WNT4: variants seen among roughly 807,000 people sequenced by gnomAD.
The protein encoded by WNT4 is protein Wnt-4.
In WNT4, 16 loss-of-function variants were observed where a neutral mutation model predicts 34.5. The ratio of observed to expected loss-of-function variants is 0.46; its 90% CI spans 0.31 to 0.70. The LOEUF (loss-of-function observed/expected upper bound fraction) is 0.70, where lower values mean the gene tolerates loss of function less well. WNT4 is among the 30% of genes least tolerant of loss of function. The pLI is 0.04. For synonymous variants in WNT4, 200 were observed against 211.9 expected (o/e 0.94, Z 0.49); for missense variants, 379 against 495.9 (o/e 0.76, Z 2.24).
chr1:22,121,961 C>T (rs979108711), intron 2 of WNT4, among the ~76,000 whole-genome samples: 1 of 152,194 alleles, frequency 6.6e-6, no homozygotes, highest in Non-Finnish European at 1.5e-5. Flanking sequence ...ACTACCCCCA[C>T]CAGAAGGTTC....
chr1:22,134,261 A>AG lies in WNT4; in HGVS notation c.78-4411dup. ...GGAGGAAGGAGGCCAAGTGGGTGGG[A>AG]GGGGGAGCCGGAAGAAAACGGAGTG... On this transcript the variant is annotated intron_variant, in intron 1 of 4. Coordinates refer to ENST00000290167, the MANE Select transcript of WNT4 (RefSeq NM_030761.5). The surrounding 1 kb of genome is among the most constrained non-coding windows in gnomAD (Gnocchi z 4.1). Among the ~76,000 whole-genome samples, 1 of 152,046 alleles carries AG rather than the reference A, an allele frequency of 6.6e-6. No homozygotes were observed. Among genetic ancestry groups the AG allele is most frequent in the Non-Finnish European group, 1.5e-5 (1 of 67,996 alleles).
chr1:22,135,318 C>T (rs780030636), intron 1 of WNT4, among the ~76,000 whole-genome samples: 5 of 152,230 alleles, frequency 3.3e-5, no homozygotes, highest in Admixed American at 6.5e-5. Context: ...CCCTCTGTTT[C>T]GCAGATGAGG....
rs1039373779 is a variant in WNT4 at position 22,134,808 on chromosome 1, C to T, written c.78-4957G>A. 7.9e-5 allele frequency among the ~76,000 whole-genome samples: 12 copies of T among 152,328 alleles called. No homozygotes were observed. Among genetic ancestry groups the T allele is most frequent in the Admixed American group, 4.6e-4 (7 of 15,306 alleles). On this transcript the variant is annotated intron_variant, in intron 1 of 4. Coordinates refer to ENST00000290167, the MANE Select transcript of WNT4 (RefSeq NM_030761.5). The surrounding 1 kb of genome is among the most constrained non-coding windows in gnomAD (Gnocchi z 4.1). ...TTCCTCTGGCCACCCCTCTGCTGCA[C>T]CCCAGACCAGACCCATGCTGACTTC... is the stretch of plus-strand genomic sequence containing the variant.
Position 22,134,395 on chromosome 1 carries a change from T to A in WNT4, c.78-4544A>T, listed in dbSNP as rs956178900. Among the ~76,000 whole-genome samples the A allele has an allele frequency of 2.6e-5, 4 of 152,154 alleles. No homozygotes were observed. The highest frequency in any genetic ancestry group is 5.9e-5 in the Non-Finnish European group (4 of 68,022). On this transcript the variant is annotated intron_variant, in intron 1 of 4. Transcript: ENST00000290167. This position sits in a 1 kb window ranked among gnomAD's most constrained non-coding sequence, Gnocchi z 4.1. Reference sequence around the variant, plus strand: ...GGGGATGGTACCTGGTTTCCCAAGATCCTAACCATACCCCCCACTCACTTT... The same window carrying A: ...GGGGATGGTACCTGGTTTCCCAAGAACCTAACCATACCCCCCACTCACTTT...
chr1:22,121,707 A>G (rs766779493), intron 2 of WNT4, 131 bp from the exon 3 acceptor site: 11 of 1,407,224 alleles, frequency 7.8e-6, no homozygotes, highest in African/African-American at 1.4e-5. Context: ...GGCAGAAATC[A>G]TGTGCTAGGC....
At position 22,121,264 on chromosome 1, in the gene WNT4, C is replaced by T; in HGVS notation, c.535G>A (p.Ala179Thr). Residue 179 changes from alanine to threonine, a missense_variant, in exon 4 of 5, where the codon GCC (alanine) becomes ACC (threonine). This residue lies in a region of WNT4 where 313 missense variants were observed against 445.8 expected (regional missense o/e 0.70). Coordinates refer to ENST00000290167, the MANE Select transcript of WNT4 (RefSeq NM_030761.5). ...FVDVRERSKG[A>T]SSSRALMNLH... ...TTCATGAGGGCTCTGCTGGACGAGG[C>T]CCCCTTGCTTCTCTCCCGCACATCC... is the stretch of plus-strand genomic sequence containing the variant. 6.2e-7 allele frequency: 1 copy of T among 1,614,134 alleles called. No homozygotes were observed. The highest frequency in any genetic ancestry group is 1.1e-5 in the South Asian group (1 of 91,078).
chr1:22,129,797 C>T lies in WNT4; in HGVS notation c.132G>A (p.Glu44=). The stretch of plus-strand genomic sequence containing the variant: ...GCCTCTGGATCAGGCCCTTGAGTTT[C>T]TCGCACGTCTCCTCCTCTGAGATGC... ...VGSISEEETC[E]KLKGLIQRQV... Residue 44 remains glutamate, a synonymous_variant, in exon 2 of 5, where the codon GAG becomes GAA. Coordinates refer to ENST00000290167, the MANE Select transcript of WNT4 (RefSeq NM_030761.5). 1 of 1,614,090 alleles carries T rather than the reference C, an allele frequency of 6.2e-7. No individual in the cohort carries two copies. The highest frequency in any genetic ancestry group is 8.5e-7 in the Non-Finnish European group (1 of 1,180,042).
intron 4 of WNT4, 110 bp downstream of exon 4, chr1:22,121,101 T>TG: frequency 6.5e-7 from 1 of 1,538,790 alleles, no homozygotes; most frequent in Non-Finnish European, 8.8e-7. Flanking sequence ...TGCCAGGTGC[T>TG]GGTGAGAGCC....
chr1:22,126,281 C>A (rs923294643), intron 2 of WNT4, among the ~76,000 whole-genome samples: 9 of 152,160 alleles, frequency 5.9e-5, no homozygotes, highest in African/African-American at 1.9e-4. Context: ...GTGGGAGAGC[C>A]CCCCCAGCCC....
At chr1:22,136,210 CCT>C (rs55809030) in intron 1 of WNT4, among the ~76,000 whole-genome samples, 27,123 of 152,054 alleles carry the variant, frequency 0.18, 2,593 homozygotes, top group African/African-American at 0.23. Flanking sequence ...GCCTTCTCTC[CCT>C]GAGGCAGGTG....
chr1:22,137,115 C>T lies in WNT4; in HGVS notation c.77+5731G>A, dbSNP rs1018788675. ...TCCGAGGCTCCTCTCCCCTGGAGGA[C>T]GCATCCCTTCCTCCTCCCACCTCCC... On this transcript the variant is annotated intron_variant, in intron 1 of 4. Coordinates refer to ENST00000290167, the MANE Select transcript of WNT4 (RefSeq NM_030761.5). The surrounding 1 kb of genome is among the most constrained non-coding windows in gnomAD (Gnocchi z 5.3). Among the ~76,000 whole-genome samples the T allele has an allele frequency of 2.0e-5, 3 of 152,180 alleles. No individual in the cohort carries two copies. The highest frequency in any genetic ancestry group is 7.2e-5 in the African/African-American group (3 of 41,442).
In WNT4 at chr1:22,120,299, G is replaced by C; in HGVS notation, c.807C>G (p.Asp269Glu). 1 of 1,614,228 alleles carries C rather than the reference G, an allele frequency of 6.2e-7. No individual in the cohort carries two copies. Among genetic ancestry groups the C allele is most frequent in the Non-Finnish European group, 8.5e-7 (1 of 1,180,036 alleles). Residue 269 changes from aspartate to glutamate, a missense_variant, in exon 5 of 5, where the codon GAC becomes GAG. By Grantham distance (45) the Asp-to-Glu change is conservative. Transcript: ENST00000290167. ...CGGGGCTAGGCTCCAAGTACACCAGGTCCTCATCTGTGTGCGGCTTGAACT... is the reference window on the plus strand; with the variant it reads ...CGGGGCTAGGCTCCAAGTACACCAGCTCCTCATCTGTGTGCGGCTTGAACT... ...NAQFKPHTDE[D>E]LVYLEPSPDF... is the part of the protein sequence containing the mutation.
intron 1 of WNT4, among the ~76,000 whole-genome samples, chr1:22,130,953 C>T (rs1055797726): frequency 3.3e-5 from 5 of 152,198 alleles, no homozygotes; most frequent in East Asian, 1.9e-4. Flanking sequence ...TACATTATTG[C>T]GTTTAATCCT....
rs571259574 is a variant in WNT4, at chr1:22,132,718, G to C, written c.78-2867C>G. On this transcript the variant is annotated intron_variant, in intron 1 of 4. Coordinates refer to ENST00000290167, the MANE Select transcript of WNT4 (RefSeq NM_030761.5). ...AGCTGCTGGGCTGCCGTGGCCGTGA[G>C]TCACTGGGCCAGCTTCCAGGAAGGA... Among the ~76,000 whole-genome samples the C allele has an allele frequency of 5.3e-5, 8 of 152,328 alleles. No individual in the cohort carries two copies. The South Asian group carries it at 1.7e-3, about 32-fold the overall frequency.
At chr1:22,132,246 G>C (rs557072126) in intron 1 of WNT4, among the ~76,000 whole-genome samples, 119 of 152,322 alleles carry the variant, frequency 7.8e-4, no homozygotes, top group African/African-American at 2.7e-3. Flanking sequence ...TATGATGTGG[G>C]GGCACAGAGC....
chr1:22,142,878 GA>G lies in WNT4; in HGVS notation c.44del (p.Phe15SerfsTer35). The G allele has an allele frequency of 8.3e-7, 1 of 1,211,500 alleles. No homozygotes were observed. The highest frequency in any genetic ancestry group is 1.1e-6 in the Non-Finnish European group (1 of 946,434). The allele number at this position is 1,211,500 out of a possible 1,614,324, so 75.0% of individuals were successfully genotyped here. On this transcript the variant is annotated frameshift_variant, in exon 1 of 5. Transcript: ENST00000290167. LOFTEE classifies it high-confidence loss of function. The surrounding 1 kb of genome is among the most constrained non-coding windows in gnomAD (Gnocchi z 6.0). ...SCLRSLRLLV[F>X]AVFSAAASNW... ...TGCTCGCGGCGGCTGAGAAGACGGC[GA>G]AGACGAGGAGGCGCAGCGAACGCAG...
chr1:22,127,200 T>C (rs2124113680), intron 2 of WNT4: 1 of 448,518 alleles, frequency 2.2e-6, no homozygotes, highest in East Asian at 7.1e-5. Context: ...CCAAAGGGGA[T>C]TGGACGTTCG....
chr1:22,127,205 C>T lies in WNT4; in HGVS notation c.313+2411G>A, dbSNP rs182749223. 495 of 451,824 alleles carry T rather than the reference C, an allele frequency of 1.1e-3. 2 individuals are homozygous for T. Among genetic ancestry groups the T allele is most frequent in the Non-Finnish European group, 1.8e-3 (391 of 216,130 alleles). The allele number at this position is 451,824 out of a possible 1,614,324, so 28.0% of individuals were successfully genotyped here. A position where few individuals can be genotyped will look rare whatever the true frequency, so the allele number is the denominator to read the frequency against. ...ATGTCCCTCTCCAAAGGGGATTGGA[C>T]GTTCGACTCCACCAGTCAGACTTTA... On this transcript the variant is annotated intron_variant, in intron 2 of 4. Transcript: ENST00000290167.
intron 2 of WNT4, among the ~76,000 whole-genome samples, chr1:22,124,878 G>A (rs1645929052): frequency 6.6e-6 from 1 of 152,156 alleles, no homozygotes; most frequent in Non-Finnish European, 1.5e-5. Context: ...GAGTCCTGGG[G>A]AGGTGGGGCA....
Sources: gnomAD v4.1 joint callset for allele counts (sites outside exome capture counted in the v4.1 genomes callset) on GRCh38, gnomAD v4.1.1 for gene constraint, gnomAD v4.1.1 regional missense constraint, Gnocchi (gnomAD v3.1) non-coding constraint, MANE v1.5 for transcripts, NCBI Gene and HGNC (gene_info 2026-07-23, HGNC 2026-07-21) for gene names.